Variants in TCF12 observed in about 807,000 individuals in gnomAD.
TCF12 encodes the protein transcription factor 12, also known as DNA-binding protein HTF4.
TCF12 carries 45 observed loss-of-function variants against 86.0 expected under a neutral mutation model. The ratio of observed to expected loss-of-function variants is 0.52; its 90% CI spans 0.41 to 0.67. The LOEUF is 0.67. Among genes scored for constraint, TCF12 ranks in the 30% least tolerant of loss-of-function variants. TCF12 has a pLI of 0.00. For synonymous variants in TCF12, 330 were observed against 299.6 expected (o/e 1.10, Z -1.05); for missense variants, 881 against 859.9 (o/e 1.02, Z -0.31).
intron 3 of TCF12, among the ~76,000 whole-genome samples, chr15:56,969,662 A>G (rs2062189197): frequency 6.6e-6 from 1 of 150,998 alleles, no homozygotes. Context: ...CTCGGCCTCT[A>G]GAAGTGTTGA....
chr15:57,036,698 TA>T (rs1221845166), intron 3 of TCF12, among the ~76,000 whole-genome samples: 7 of 152,198 alleles, frequency 4.6e-5, no homozygotes, highest in African/African-American at 1.7e-4. Flanking sequence ...ATTGAAAATT[TA>T]AAAAAATTAC....
rs138737637 is a variant in TCF12 at position 57,088,148 on chromosome 15, G to A, written c.223-3641G>A. Among the ~76,000 whole-genome samples the A allele has an allele frequency of 5.6e-3, 847 of 152,258 alleles. 3 individuals are homozygous for A. The highest frequency in any genetic ancestry group is 8.5e-3 in the Non-Finnish European group (581 of 68,010). ...TCGGGCTCCAACTTAACCATTGTTT[G>A]CTTGGTTTTTGTTCTTTTCTTGTCA... On this transcript the variant is annotated intron_variant, in intron 4 of 20. Transcript: ENST00000333725.
Position 57,024,387 on chromosome 15 carries a change from T to C in TCF12, c.149-39363T>C, listed in dbSNP as rs2065694615. ...CGCCACCAAACCCAACTAATTTCTG[T>C]ATTTTCAGTAGAGATGTGGTTTCAC... On this transcript the variant is annotated intron_variant, in intron 3 of 20. Transcript: ENST00000333725. 2.6e-5 allele frequency among the ~76,000 whole-genome samples: 4 copies of C among 152,212 alleles called. No individual in the cohort carries two copies. The South Asian group carries it at 8.3e-4, about 32-fold the overall frequency.
intron 5 of TCF12, among the ~76,000 whole-genome samples, chr15:57,098,658 C>T (rs1295296585): frequency 6.6e-6 from 1 of 152,306 alleles, no homozygotes; most frequent in East Asian, 1.9e-4. Context: ...AGATTACATT[C>T]AGGCACAACC....
At chr15:57,089,984 G>C (rs539873932) in intron 4 of TCF12, among the ~76,000 whole-genome samples, 20 of 152,178 alleles carry the variant, frequency 1.3e-4, no homozygotes, top group Non-Finnish European at 2.5e-4. Context: ...GGAGGCCAAG[G>C]CTGGAGGGTC....
chr15:56,995,016 A>G (rs1383975264), intron 3 of TCF12, among the ~76,000 whole-genome samples: 2 of 152,118 alleles, frequency 1.3e-5, no homozygotes, highest in African/African-American at 4.8e-5. Flanking sequence ...GTGGCATCAA[A>G]TATAACATCT....
At chr15:57,004,757 T>G (rs2064249223) in intron 3 of TCF12, among the ~76,000 whole-genome samples, 1 of 151,962 alleles carries the variant, frequency 6.6e-6, no homozygotes, top group Non-Finnish European at 1.5e-5. Flanking sequence ...GGTTTCACCA[T>G]GTTCATCCGT....
At chr15:57,054,455 A>G (rs1232574923) in intron 3 of TCF12, among the ~76,000 whole-genome samples, 1 of 152,120 alleles carries the variant, frequency 6.6e-6, no homozygotes, top group Non-Finnish European at 1.5e-5. Flanking sequence ...GTCCATTTGT[A>G]ATGTTTTCAT....
At chr15:57,273,389 C>A in intron 19 of TCF12, 127 bp downstream of exon 19, 3 of 974,420 alleles carry the variant, frequency 3.1e-6, no homozygotes, top group East Asian at 2.6e-5. Flanking sequence ...ACTGTATCAT[C>A]AGGGTCGTTT....
intron 5 of TCF12, among the ~76,000 whole-genome samples, chr15:57,140,791 A>T (rs566245166): frequency 6.6e-6 from 1 of 152,332 alleles, no homozygotes; most frequent in South Asian, 2.1e-4. Flanking sequence ...TGAACAATTT[A>T]CATTGCAAAC....
At chr15:57,239,178 C>A (rs1220568465) in intron 12 of TCF12, among the ~76,000 whole-genome samples, 41 of 151,582 alleles carry the variant, frequency 2.7e-4, no homozygotes, top group Non-Finnish European at 5.9e-5. Context: ...ACGGAGAAAC[C>A]CCGTCTCTAC....
downstream of TCF12, among the ~76,000 whole-genome samples, chr15:57,290,233 C>T (rs1446982077): frequency 4.0e-5 from 6 of 151,394 alleles, no homozygotes; most frequent in Non-Finnish European, 7.4e-5. Context: ...ATCCAAGCTA[C>T]TTGGAAGGCT....
chr15:57,111,070 C>T (rs1340620181), intron 5 of TCF12, among the ~76,000 whole-genome samples: 1 of 152,120 alleles, frequency 6.6e-6, no homozygotes, highest in Admixed American at 6.5e-5. Context: ...TAAATGGAAT[C>T]ATCTTTTTAA....
chr15:57,013,671 A>G (rs1338406907), intron 3 of TCF12, among the ~76,000 whole-genome samples: 2 of 152,202 alleles, frequency 1.3e-5, no homozygotes, highest in African/African-American at 4.8e-5. Flanking sequence ...CGAGCCTGAA[A>G]CAGTGAAGTA....
intron 8 of TCF12, among the ~76,000 whole-genome samples, chr15:57,217,545 T>C (rs1403962592): frequency 6.6e-6 from 1 of 152,116 alleles, no homozygotes; most frequent in East Asian, 1.9e-4. Flanking sequence ...CTGTCATAGG[T>C]GGATGTTTTT....
Position 57,070,368 on chromosome 15 carries a change from C to T in TCF12, c.222+6545C>T, listed in dbSNP as rs180952850. ...TTAAAAACAAAAACGGACCATAGAC[C>T]CAACTAGGTTGAAAATGAAAATATG... On this transcript the variant is annotated intron_variant, in intron 4 of 20. Coordinates refer to ENST00000333725, the MANE Select transcript of TCF12 (RefSeq NM_207037.2). Among the ~76,000 whole-genome samples the T allele has an allele frequency of 3.9e-5, 6 of 152,048 alleles. 1 individual carries two copies. Among genetic ancestry groups the T allele is most frequent in the Admixed American group, 2.6e-4 (4 of 15,270 alleles).
chr15:56,954,177 G>T (rs1396958840), intron 3 of TCF12, among the ~76,000 whole-genome samples: 1 of 151,950 alleles, frequency 6.6e-6, no homozygotes, highest in Non-Finnish European at 1.5e-5. Flanking sequence ...TTATTTAGAA[G>T]TGTGTTATTC....
At chr15:57,075,800 T>TCTCTCTCTCTCTC (rs1567370475) in intron 4 of TCF12, among the ~76,000 whole-genome samples, 15 of 20,496 alleles carry the variant, frequency 7.3e-4, no homozygotes, top group Non-Finnish European at 1.1e-3. Context: ...CTTTCTTTCT[T>TCTCTCTCTCTCTC]TCTTTCTCTC....
intron 12 of TCF12, among the ~76,000 whole-genome samples, chr15:57,239,315 C>T (rs1449425863): frequency 6.6e-6 from 1 of 151,998 alleles, no homozygotes; most frequent in Admixed American, 6.6e-5. Flanking sequence ...TGCACCACTG[C>T]ACTCCAGCCT....
Sources: allele counts gnomAD v4.1 joint callset (sites outside exome capture counted in the v4.1 genomes callset), GRCh38; gene constraint gnomAD v4.1.1; transcripts MANE v1.5; gene names NCBI Gene and HGNC (gene_info 2026-07-23, HGNC 2026-07-21).